The following LAMA2 variants were observed in gnomAD, a reference collection of about 807,000 sequenced individuals.
The protein encoded by LAMA2 is laminin subunit alpha 2.
LAMA2 carries 269 observed loss-of-function variants against 364.8 expected under a neutral mutation model. The ratio of observed to expected loss-of-function variants is 0.74; its 90% confidence interval spans 0.67 to 0.82. The LOEUF is 0.82. Ranked by LOEUF, LAMA2 falls within the 40% of genes least tolerant of loss-of-function variation. The probability of loss-of-function intolerance (pLI) is 0.00; values close to 1 mark genes in which losing one functional copy is unlikely to be tolerated. For missense variants in LAMA2, 3,807 were observed against 3,873.2 expected, an observed-to-expected ratio of 0.98 and a Z score of 0.45; for synonymous variants, 1,379 against 1,370.6, an observed-to-expected ratio of 1.01 and a Z score of -0.14.
chr6:129,160,140 C>T (rs938744378), intron 8 of LAMA2, among the ~76,000 whole-genome samples: 1 of 152,072 alleles, frequency 6.6e-6, no homozygotes, highest in Non-Finnish European at 1.5e-5. Flanking sequence ...TGCACTTCCT[C>T]TTCTGTTTTC....
rs780411962 is a variant in LAMA2 at position 129,314,750 on chromosome 6, C to G, written c.3507C>G (p.Phe1169Leu). 4 of 1,613,836 alleles carry G rather than the reference C, an allele frequency of 2.5e-6. No individual in the cohort carries two copies. The South Asian group carries it at 3.3e-5, about 13-fold the overall frequency. Residue 1169 changes from phenylalanine to leucine, a missense_variant, in exon 24 of 65, where the codon TTC becomes TTG. By Grantham distance (22) the Phe-to-Leu change is conservative (BLOSUM62 0). This residue lies in a region of LAMA2 where 3,333 missense variants were observed against 3,345.7 expected (regional missense o/e 1.00). Transcript: ENST00000421865. Reference protein sequence around the residue: ...NPLGCSSCYCFGTTTQCSEAK... With the variant: ...NPLGCSSCYCLGTTTQCSEAK... ...TTGGCTGCAGCAGCTGCTATTGCTT[C>G]GGCACTACTACCCAGTGCTCTGAAG...
intron 62 of LAMA2, among the ~76,000 whole-genome samples, chr6:129,508,732 A>G (rs1458768864): frequency 1.3e-5 from 2 of 152,146 alleles, no homozygotes; most frequent in Non-Finnish European, 2.9e-5. Context: ...CATATCCAGT[A>G]TGTATATGTA....
intron 4 of LAMA2, among the ~76,000 whole-genome samples, chr6:129,117,352 G>A (rs1401151502): frequency 6.6e-6 from 1 of 152,194 alleles, no homozygotes; most frequent in South Asian, 2.1e-4. Flanking sequence ...GATGATTCAT[G>A]TGTCTCTGAG....
chr6:129,231,566 A>C (rs188983482), intron 12 of LAMA2, among the ~76,000 whole-genome samples: 1 of 152,210 alleles, frequency 6.6e-6, no homozygotes, highest in East Asian at 1.9e-4. Flanking sequence ...CTGGTTGTTC[A>C]CTTCCCTTCC....
intron 29 of LAMA2, 56 bp from the exon 30 acceptor site, chr6:129,342,287 T>G (rs750730361): frequency 2.6e-6 from 4 of 1,515,050 alleles, no homozygotes; most frequent in Non-Finnish European, 3.7e-6. Context: ...TATGATAAAT[T>G]ACATTCTAAC....
intron 4 of LAMA2, among the ~76,000 whole-genome samples, chr6:129,105,838 A>G: frequency 6.6e-6 from 1 of 152,184 alleles, no homozygotes; most frequent in East Asian, 1.9e-4. Context: ...TAGAGATCCT[A>G]GAATTAAAAT....
At chr6:129,180,883 G>A (rs1780884626) in intron 10 of LAMA2, among the ~76,000 whole-genome samples, 1 of 152,034 alleles carries the variant, frequency 6.6e-6, no homozygotes, top group Non-Finnish European at 1.5e-5. Flanking sequence ...CAGGGCTAAA[G>A]TTTGGAGTTT....
At position 128,998,617 on chromosome 6, in the gene LAMA2, G is replaced by A. The variant is rs866067624; in HGVS notation, c.113-51301G>A. On this transcript the variant is annotated intron_variant, in intron 1 of 64. Coordinates refer to ENST00000421865, the MANE Select transcript of LAMA2 (RefSeq NM_000426.4). ...CAAGGGGTCAGGGAGTTCCCTTTCCGAGTCAAAGAAAGGGGTGACGGACGC... is the reference window on the plus strand; with the variant it reads ...CAAGGGGTCAGGGAGTTCCCTTTCCAAGTCAAAGAAAGGGGTGACGGACGC... Among the ~76,000 whole-genome samples, 34 of 10,844 alleles carry A rather than the reference G, an allele frequency of 3.1e-3. 6 individuals are homozygous for A. Among genetic ancestry groups the A allele is most frequent in the Middle Eastern group, 0.056 (2 of 36 alleles). The allele number at this position is 10,844 out of a possible 152,430, so 7.1% of individuals were successfully genotyped here. A position where few individuals can be genotyped will look rare whatever the true frequency, so the allele number is the denominator to read the frequency against.
intron 1 of LAMA2, among the ~76,000 whole-genome samples, chr6:128,962,986 A>G (rs1465538153): frequency 6.6e-6 from 1 of 152,142 alleles, no homozygotes; most frequent in Non-Finnish European, 1.5e-5. Context: ...AGAGATAAAG[A>G]TAATTATTTT....
chr6:129,035,301 C>CTT (rs546836712), intron 1 of LAMA2, among the ~76,000 whole-genome samples: 7 of 129,498 alleles, frequency 5.4e-5, no homozygotes, highest in African/African-American at 2.1e-4. Flanking sequence ...CTTTTCTTTT[C>CTT]TTTTTTTTTT....
At chr6:128,964,558 A>T (rs563396202) in intron 1 of LAMA2, among the ~76,000 whole-genome samples, 65 of 152,194 alleles carry the variant, frequency 4.3e-4, no homozygotes, top group Admixed American at 1.1e-3. Flanking sequence ...ATGTCAGCAC[A>T]CTGGAACAAA....
chr6:129,200,210 A>G (rs1175512196), intron 12 of LAMA2, among the ~76,000 whole-genome samples: 2 of 141,366 alleles, frequency 1.4e-5, no homozygotes, highest in Admixed American at 1.4e-4. Flanking sequence ...ACACATATAC[A>G]TGTGTATATA....
chr6:128,964,033 G>A (rs1781696290), intron 1 of LAMA2, among the ~76,000 whole-genome samples: 1 of 151,844 alleles, frequency 6.6e-6, no homozygotes, highest in Non-Finnish European at 1.5e-5. Context: ...CATGAACAGT[G>A]GCATTCAATG....
At chr6:128,984,037 CTGAATTCACCATTG>C (rs549003033) in intron 1 of LAMA2, among the ~76,000 whole-genome samples, 1 of 152,150 alleles carries the variant, frequency 6.6e-6, no homozygotes, top group Non-Finnish European at 1.5e-5. Flanking sequence ...GTAAACATTG[CTGAATTCACCATTG>C]TATCCCCCAG....
intron 2 of LAMA2, among the ~76,000 whole-genome samples, chr6:129,057,957 C>A (rs1788603157): frequency 6.6e-6 from 1 of 152,140 alleles, no homozygotes. Context: ...TTATGAAATT[C>A]TCAAGACTGA....
intron 12 of LAMA2, among the ~76,000 whole-genome samples, chr6:129,207,887 CA>C (rs1245126163): frequency 6.6e-6 from 1 of 152,156 alleles, no homozygotes; most frequent in African/African-American, 2.4e-5. Flanking sequence ...AGGTGAGGGT[CA>C]GGGGAAGATA....
chr6:129,392,784 T>C (rs1779390819), intron 36 of LAMA2, among the ~76,000 whole-genome samples: 1 of 152,246 alleles, frequency 6.6e-6, no homozygotes, highest in South Asian at 2.1e-4. Flanking sequence ...ATTCCTAGAA[T>C]GACATGATTC....
intron 12 of LAMA2, among the ~76,000 whole-genome samples, chr6:129,215,720 T>G (rs901339912): frequency 6.6e-6 from 1 of 152,130 alleles, no homozygotes; most frequent in African/African-American, 2.4e-5. Context: ...AAATGGAGAG[T>G]GTAAATACTA....
At chr6:129,430,762 G>C (rs1022924243) in intron 41 of LAMA2, among the ~76,000 whole-genome samples, 1 of 152,094 alleles carries the variant, frequency 6.6e-6, no homozygotes, top group African/African-American at 2.4e-5. Flanking sequence ...AGAATAACTT[G>C]AGCCCAGGAG....
Sources: allele counts gnomAD v4.1 joint callset (sites outside exome capture counted in the v4.1 genomes callset), GRCh38; gene constraint gnomAD v4.1.1; regional missense constraint gnomAD v4.1.1; transcripts MANE v1.5; gene names NCBI Gene and HGNC (gene_info 2026-07-23, HGNC 2026-07-21).